The following TRAF2 variants were observed in gnomAD, a reference collection of about 807,000 sequenced individuals.
The protein encoded by TRAF2 is TNF receptor associated factor 2.
TRAF2 carries 6 observed loss-of-function variants against 55.6 expected under a neutral mutation model. That is an observed-to-expected ratio of 0.11 (90% CI 0.06 to 0.21). The LOEUF (loss-of-function observed/expected upper bound fraction) is 0.21. TRAF2 is among the 10% of genes least tolerant of loss of function. The pLI, the probability that TRAF2 is intolerant of heterozygous loss-of-function variation, is 1.00. For synonymous variants in TRAF2, 329 were observed against 276.3 expected (o/e 1.19, Z -1.89); for missense variants, 561 against 684.5 (o/e 0.82, Z 2.01).
intron 10 of TRAF2, among the ~76,000 whole-genome samples, chr9:136,924,894 A>G (rs1003734670): frequency 4.6e-5 from 7 of 151,924 alleles, no homozygotes; most frequent in African/African-American, 1.2e-4. Context: ...ATGCACCACC[A>G]CGCCCAGCTA....
chr9:136,899,547 G>C, intron 2 of TRAF2, 47 bp from the exon 3 acceptor site: 1 of 1,562,426 alleles, frequency 6.4e-7, no homozygotes, highest in Non-Finnish European at 8.7e-7. Context: ...TTTGTTTTTT[G>C]CATTAGGTTT....
chr9:136,914,837 C>T (rs1046028996), intron 6 of TRAF2, among the ~76,000 whole-genome samples: 14 of 151,796 alleles, frequency 9.2e-5, no homozygotes, highest in Non-Finnish European at 1.3e-4. Flanking sequence ...CAGTATTCCA[C>T]GGAGGCCCAT....
At chr9:136,901,370 G>A (rs1252737949) in intron 4 of TRAF2, among the ~76,000 whole-genome samples, 1 of 152,202 alleles carries the variant, frequency 6.6e-6, no homozygotes, top group African/African-American at 2.4e-5. Context: ...CAGTGTCTGC[G>A]GATGAATGGA....
upstream of TRAF2, chr9:136,882,561 G>C (rs910317738): frequency 7.0e-6 from 4 of 574,400 alleles, no homozygotes; most frequent in Non-Finnish European, 8.8e-6. Context: ...CCCATCCTCA[G>C]GCAGTGAGAG....
At chr9:136,910,710 C>T (rs1850083052) in intron 6 of TRAF2, among the ~76,000 whole-genome samples, 2 of 152,182 alleles carry the variant, frequency 1.3e-5, no homozygotes, top group South Asian at 2.1e-4. Flanking sequence ...TCAGGCTGGC[C>T]AGGCCTGCCC....
At chr9:136,917,373 A>G (rs889058069) in intron 7 of TRAF2, among the ~76,000 whole-genome samples, 1 of 152,132 alleles carries the variant, frequency 6.6e-6, no homozygotes, top group African/African-American at 2.4e-5. Flanking sequence ...CACTGGCACA[A>G]TGGCCAGGCG....
chr9:136,886,013 C>A (rs1849437185), upstream of TRAF2: 1 of 152,226 alleles, frequency 6.6e-6, no homozygotes, highest in Non-Finnish European at 1.5e-5. Context: ...CGGGTAGGTG[C>A]GGCCGCCCCG....
intron 4 of TRAF2, among the ~76,000 whole-genome samples, chr9:136,904,773 T>TAAGTCAGAATAGTTGCTTCATAA (rs2131301318): frequency 6.1e-5 from 1 of 16,416 alleles, no homozygotes; most frequent in East Asian, 3.6e-3. Context: ...TTAGGTTTCA[T>TAAGTCAGAATAGTTGCTTCATAA]AAGCCAGAAT....
chr9:136,889,086 G>A (rs1272660982), intron 1 of TRAF2, among the ~76,000 whole-genome samples: 5 of 152,078 alleles, frequency 3.3e-5, no homozygotes, highest in South Asian at 2.1e-4. Flanking sequence ...GGGTGGTCTC[G>A]ATCTGATCTC....
At chr9:136,912,155 T>A (rs1428365725) in intron 6 of TRAF2, among the ~76,000 whole-genome samples, 3 of 8,904 alleles carry the variant, frequency 3.4e-4, no homozygotes, top group Admixed American at 5.7e-4. Context: ...TCTGGCCCTT[T>A]TTTTTTTTTT....
intron 9 of TRAF2, among the ~76,000 whole-genome samples, chr9:136,922,138 C>T (rs780677705): frequency 2.6e-5 from 4 of 152,204 alleles, no homozygotes; most frequent in East Asian, 3.8e-4. Flanking sequence ...GCCCTCGAGG[C>T]GGAAAGAGAC....
chr9:136,906,844 TC>T (rs1168670853), intron 4 of TRAF2, among the ~76,000 whole-genome samples: 1 of 152,124 alleles, frequency 6.6e-6, no homozygotes, highest in Non-Finnish European at 1.5e-5. Flanking sequence ...TCCGGCCCTC[TC>T]TCCCGTTACA....
intron 1 of TRAF2, among the ~76,000 whole-genome samples, chr9:136,887,022 C>T (rs1395084185): frequency 6.6e-6 from 1 of 152,120 alleles, no homozygotes; most frequent in Non-Finnish European, 1.5e-5. Flanking sequence ...CTGAGTTTGC[C>T]AGCGCCCCCC....
At chr9:136,885,042 T>C (rs1387127515), upstream of TRAF2, among the ~76,000 whole-genome samples, 1 of 152,122 alleles carries the variant, frequency 6.6e-6, no homozygotes, top group Admixed American at 6.6e-5. Context: ...AACTCAGGGG[T>C]GATGACGTTG....
chr9:136,910,845 T>C (rs1163982496), intron 6 of TRAF2, among the ~76,000 whole-genome samples: 1 of 152,250 alleles, frequency 6.6e-6, no homozygotes, highest in Non-Finnish European at 1.5e-5. Context: ...CTCACCTCTT[T>C]CCACTTGTCT....
intron 7 of TRAF2, among the ~76,000 whole-genome samples, chr9:136,917,618 C>T (rs570108065): frequency 2.6e-5 from 4 of 152,316 alleles, no homozygotes; most frequent in African/African-American, 9.6e-5. Flanking sequence ...GCTCACTGGG[C>T]GGGCACCTTC....
intron 1 of TRAF2, among the ~76,000 whole-genome samples, chr9:136,887,231 G>A (rs1193151616): frequency 6.6e-6 from 1 of 152,250 alleles, no homozygotes; most frequent in Non-Finnish European, 1.5e-5. Context: ...CCTGGTCCTG[G>A]CAGTAGCAGG....
upstream of TRAF2, among the ~76,000 whole-genome samples, chr9:136,883,719 G>A (rs1448560419): frequency 1.3e-5 from 2 of 151,106 alleles, no homozygotes; most frequent in East Asian, 2.0e-4. Flanking sequence ...GTTTCACCAC[G>A]TTGGCCAGGC....
rs913593182 is a variant in TRAF2 at position 136,886,577 on chromosome 9, GCGGGCGCGGGGTCGGGTGCGGGGT to G, written c.-29+53_-29+76del. On this transcript the variant is annotated intron_variant, in intron 1 of 10. Transcript: ENST00000247668. ...CGCGGGGTCGGGTGCGGGGTCGGGC[GCGGGCGCGGGGTCGGGTGCGGGGT>G]CGGGCGCGGGGTCGGGCGCAGGCGC... 3.5e-4 allele frequency: 339 copies of G among 981,474 alleles called. 2 individuals are homozygous for G. In the Middle Eastern group the frequency reaches 4.2e-3, roughly 12 times the overall value. The allele number at this position is 981,474 out of a possible 1,614,324, so 60.8% of individuals were successfully genotyped here.
Sources: allele counts gnomAD v4.1 joint callset (sites outside exome capture counted in the v4.1 genomes callset), GRCh38; gene constraint gnomAD v4.1.1; transcripts MANE v1.5; gene names NCBI Gene and HGNC (gene_info 2026-07-23, HGNC 2026-07-21).